The following C4orf51 variants were observed in gnomAD, a reference collection of about 807,000 sequenced individuals.
C4orf51 encodes uncharacterized protein C4orf51.
C4orf51 carries 25 observed loss-of-function variants against 25.2 expected under a neutral mutation model. The ratio of observed to expected loss-of-function variants is 0.99; its 90% confidence interval spans 0.72 to 1.39. The LOEUF is 1.39. Ranked by LOEUF, C4orf51 falls within the 40% of genes most tolerant of loss-of-function variation. The probability of loss-of-function intolerance (pLI) is 0.00; values close to 1 mark genes in which losing one functional copy is unlikely to be tolerated. For missense variants in C4orf51, 252 were observed against 239.6 expected, an observed-to-expected ratio of 1.05 and a Z score of -0.34; for synonymous variants, 100 against 84.5, an observed-to-expected ratio of 1.18 and a Z score of -1.01.
intron 2 of C4orf51, among the ~76,000 whole-genome samples, chr4:145,704,394 A>T (rs1730664061): frequency 6.6e-6 from 1 of 152,252 alleles, no homozygotes; most frequent in Non-Finnish European, 1.5e-5. Context: ...TCACAAGGCC[A>T]CTTCTGTCTG....
intron 2 of C4orf51, among the ~76,000 whole-genome samples, chr4:145,714,095 A>G (rs1731272944): frequency 2.0e-5 from 3 of 152,162 alleles, no homozygotes; most frequent in Middle Eastern, 3.2e-3. Context: ...TTTTATTTTT[A>G]GACATAATGC....
chr4:145,760,645 A>G, intron 1 of C4orf51: 1 of 456,742 alleles, frequency 2.2e-6, no homozygotes, highest in South Asian at 4.6e-5. Flanking sequence ...TATACAGTAC[A>G]CATGTTCCAG....
the C4orf51 span, among the ~76,000 whole-genome samples, chr4:145,780,036 C>A: frequency 2.6e-5 from 4 of 152,096 alleles, no homozygotes; most frequent in African/African-American, 9.7e-5. Context: ...ACTAAAAATA[C>A]AAAGAGTAGC....
chr4:145,703,282 A>AC (rs1730581248), intron 2 of C4orf51, among the ~76,000 whole-genome samples: 1 of 151,526 alleles, frequency 6.6e-6, no homozygotes, highest in Non-Finnish European at 1.5e-5. Flanking sequence ...GCTCAAAAGC[A>AC]CCCCCACTGA....
chr4:145,680,645 C>G (rs556662581), intron 1 of C4orf51, among the ~76,000 whole-genome samples: 2 of 152,272 alleles, frequency 1.3e-5, no homozygotes, highest in South Asian at 4.2e-4. Flanking sequence ...CCTAAAATTA[C>G]ATATAACTAC....
chr4:145,765,176 C>T lies in C4orf51; in HGVS notation n.167-5812C>T, dbSNP rs1243830419. On this transcript the variant is annotated intron_variant and non_coding_transcript_variant, in intron 1 of 1. Transcript: ENST00000510096. This position sits in a 1 kb window ranked among gnomAD's most constrained non-coding sequence, Gnocchi z 4.7. ...AAACACATTCGAACCCTGCAAGGACCGAAGCTGGGTATAGAGGTGCACAGG... is the reference window on the plus strand; with the variant it reads ...AAACACATTCGAACCCTGCAAGGACTGAAGCTGGGTATAGAGGTGCACAGG... 4.4e-6 allele frequency: 7 copies of T among 1,594,126 alleles called. No homozygotes were observed. The highest frequency in any genetic ancestry group is 2.2e-5 in the East Asian group (1 of 44,798).
downstream of C4orf51, chr4:145,757,988 T>C (rs1278077282): frequency 1.3e-5 from 2 of 152,218 alleles, no homozygotes; most frequent in African/African-American, 4.8e-5. Flanking sequence ...GTTAGTGTTT[T>C]ATACGGAAAG....
At chr4:145,783,896 G>C in the C4orf51 span, among the ~76,000 whole-genome samples, 1 of 152,212 alleles carries the variant, frequency 6.6e-6, no homozygotes, top group Non-Finnish European at 1.5e-5. Context: ...CAGTATTGGA[G>C]GTGGGGCCTT....
At chr4:145,731,179 T>C (rs1732432793) in intron 5 of C4orf51, among the ~76,000 whole-genome samples, 1 of 152,208 alleles carries the variant, frequency 6.6e-6, no homozygotes, top group Non-Finnish European at 1.5e-5. Flanking sequence ...TGGGAGTTGC[T>C]TGGGAGAATC....
At chr4:145,788,654 T>C in the C4orf51 span, among the ~76,000 whole-genome samples, 6 of 152,128 alleles carry the variant, frequency 3.9e-5, no homozygotes, top group African/African-American at 1.2e-4. Context: ...TATTACAACA[T>C]GGAAGCAAAC....
intron 2 of C4orf51, among the ~76,000 whole-genome samples, chr4:145,705,619 G>A (rs1364680953): frequency 6.6e-6 from 1 of 152,130 alleles, no homozygotes; most frequent in Non-Finnish European, 1.5e-5. Flanking sequence ...GATTCCATGA[G>A]TTGGTGAAAG....
At chr4:145,682,186 G>A (rs1254477875) in intron 1 of C4orf51, among the ~76,000 whole-genome samples, 1 of 152,122 alleles carries the variant, frequency 6.6e-6, no homozygotes, top group African/African-American at 2.4e-5. Flanking sequence ...AAGAGCATGA[G>A]CTTGTGAGGT....
the C4orf51 span, among the ~76,000 whole-genome samples, chr4:145,787,231 G>A: frequency 4.6e-5 from 7 of 152,170 alleles, no homozygotes; most frequent in African/African-American, 1.4e-4. Context: ...TTGGGAGGCC[G>A]AGGCGTGTGG....
intron 1 of C4orf51, among the ~76,000 whole-genome samples, chr4:145,749,673 T>G (rs1176085241): frequency 6.6e-6 from 1 of 152,108 alleles, no homozygotes; most frequent in Non-Finnish European, 1.5e-5. Flanking sequence ...CTCACTCTGT[T>G]GCCCAGGCTG....
At position 145,761,192 on chromosome 4, in the gene C4orf51, C is replaced by A; in HGVS notation, n.167-9796C>A. ...TTCTTGTCCTCCTCGGGGCAGTCCCCACTCTGGTGCTTCTTGACGTGGCGG... is the reference window on the plus strand; with the variant it reads ...TTCTTGTCCTCCTCGGGGCAGTCCCAACTCTGGTGCTTCTTGACGTGGCGG... On this transcript the variant is annotated intron_variant and non_coding_transcript_variant, in intron 1 of 1. Transcript: ENST00000510096. The surrounding 1 kb of genome is among the most constrained non-coding windows in gnomAD (Gnocchi z 6.8). 1.6e-6 allele frequency: 2 copies of A among 1,289,848 alleles called. No homozygotes were observed. The highest frequency in any genetic ancestry group is 2.0e-6 in the Non-Finnish European group (2 of 988,880). 79.9% of individuals were successfully genotyped at this position (1,289,848 alleles called of 1,614,324 possible).
Position 145,732,643 on chromosome 4 carries a change from C to A in C4orf51, c.*83C>A, listed in dbSNP as rs968791192. 39 of 851,722 alleles carry A rather than the reference C, an allele frequency of 4.6e-5. No individual in the cohort carries two copies. Among genetic ancestry groups the A allele is most frequent in the Non-Finnish European group, 6.3e-5 (34 of 543,776 alleles). 52.8% of individuals were successfully genotyped at this position (851,722 alleles called of 1,614,324 possible). On this transcript the variant is annotated 3_prime_UTR_variant, in exon 6 of 6. Coordinates refer to ENST00000438731, the MANE Select transcript of C4orf51 (RefSeq NM_001080531.3). The stretch of plus-strand genomic sequence containing the variant: ...AGGTATGGGGCCCTCCCAACACCCT[C>A]CCCCCACCCGCCCCGCCCAGGAACG...
chr4:145,723,177 G>A (rs1004979591), intron 2 of C4orf51, among the ~76,000 whole-genome samples: 1 of 152,034 alleles, frequency 6.6e-6, no homozygotes, highest in Non-Finnish European at 1.5e-5. Flanking sequence ...AAAAAGGTTG[G>A]GGACTGCTGC....
intron 2 of C4orf51, among the ~76,000 whole-genome samples, chr4:145,725,859 T>C (rs1389230914): frequency 6.6e-6 from 1 of 152,172 alleles, no homozygotes; most frequent in African/African-American, 2.4e-5. Flanking sequence ...ATGGTGATGA[T>C]TGCATAACCT....
At chr4:145,773,198 T>G (rs1736548080), downstream of C4orf51, among the ~76,000 whole-genome samples, 2 of 152,200 alleles carry the variant, frequency 1.3e-5, no homozygotes, top group Non-Finnish European at 2.9e-5. Flanking sequence ...CTGAATTTAA[T>G]TTGTCTTCAA....
Sources: gnomAD v4.1 joint callset for allele counts (sites outside exome capture counted in the v4.1 genomes callset) on GRCh38, gnomAD v4.1.1 for gene constraint, Gnocchi (gnomAD v3.1) non-coding constraint, MANE v1.5 for transcripts, NCBI Gene and HGNC (gene_info 2026-07-23, HGNC 2026-07-21) for gene names.